The following PARD3B variants were observed in gnomAD, a reference collection of about 807,000 sequenced individuals.
The protein encoded by PARD3B is partitioning defective 3 homolog B.
In PARD3B, 103 loss-of-function variants were observed where a neutral mutation model predicts 130.2. That is an observed-to-expected ratio of 0.79 (90% CI 0.67 to 0.93). The LOEUF (loss-of-function observed/expected upper bound fraction) is 0.93, where lower values mean the gene tolerates loss of function less well. PARD3B is among the 40% of genes least tolerant of loss of function. The pLI is 0.00. For missense variants in PARD3B, 1,609 were observed against 1,499.2 expected, an observed-to-expected ratio of 1.07 and a Z score of -1.21; for synonymous variants, 583 against 553.2, an observed-to-expected ratio of 1.05 and a Z score of -0.76.
intron 4 of PARD3B, among the ~76,000 whole-genome samples, chr2:205,076,589 A>G (rs1454908607): frequency 2.6e-5 from 4 of 152,284 alleles, no homozygotes; most frequent in East Asian, 3.9e-4. Context: ...GCACAGCAGG[A>G]GGTAAGCAGT....
intron 15 of PARD3B, among the ~76,000 whole-genome samples, chr2:205,209,581 A>G (rs1022466466): frequency 3.4e-5 from 5 of 145,290 alleles, no homozygotes; most frequent in African/African-American, 1.1e-4. Context: ...TAAATATACA[A>G]TTAATAATTA....
rs765755661 is a variant in PARD3B, at chr2:205,183,734, G to GTGT, written c.1925-2029_1925-2027dup. Among the ~76,000 whole-genome samples the GTGT allele has an allele frequency of 2.6e-4, 27 of 103,814 alleles. No individual in the cohort carries two copies. The highest frequency in any genetic ancestry group is 5.1e-4 in the Admixed American group (6 of 11,794). 68.1% of individuals were successfully genotyped at this position (103,814 alleles called of 152,430 possible). On this transcript the variant is annotated intron_variant, in intron 13 of 22. Transcript: ENST00000406610. The surrounding 1 kb of genome is among the most constrained non-coding windows in gnomAD (Gnocchi z 5.2). ...CTGCAGAGAAACAGAACCAAGTTGT[G>GTGT]TGTGTGTGTGTGTGTGTGTGTGTGT...
At chr2:205,234,283 G>A (rs1291896700) in intron 15 of PARD3B, among the ~76,000 whole-genome samples, 11 of 152,094 alleles carry the variant, frequency 7.2e-5, no homozygotes, top group Non-Finnish European at 1.5e-5. Flanking sequence ...TCATGGCATT[G>A]CTCTCCAATA....
intron 16 of PARD3B, among the ~76,000 whole-genome samples, chr2:205,282,710 C>G (rs1038622236): frequency 2.0e-5 from 3 of 152,098 alleles, no homozygotes; most frequent in African/African-American, 4.8e-5. Context: ...ATAGGTCCCA[C>G]ACTGCCTAAG....
chr2:205,173,911 G>A (rs1035642950), intron 12 of PARD3B, among the ~76,000 whole-genome samples: 5 of 152,162 alleles, frequency 3.3e-5, no homozygotes, highest in Non-Finnish European at 5.9e-5. Context: ...GATGGACTGC[G>A]AACGCCTGAG....
Position 205,171,325 on chromosome 2 carries a change from A to G in PARD3B, c.1621-886A>G, listed in dbSNP as rs115466005. 8.1e-3 allele frequency among the ~76,000 whole-genome samples: 1,234 copies of G among 152,288 alleles called. 23 individuals are homozygous for G. Among genetic ancestry groups the G allele is most frequent in the African/African-American group, 0.028 (1,170 of 41,570 alleles). ...TCCTGGGCTGCCTTTGGGGAAATGC[A>G]CTGTGGTCCCTTCAAGTTCTGTTCT... is the stretch of plus-strand genomic sequence containing the variant. On this transcript the variant is annotated intron_variant, in intron 11 of 22. Coordinates refer to ENST00000406610, the MANE Select transcript of PARD3B (RefSeq NM_001302769.2).
intron 2 of PARD3B, among the ~76,000 whole-genome samples, chr2:204,734,228 C>G (rs1438008327): frequency 6.6e-6 from 1 of 152,122 alleles, no homozygotes; most frequent in Non-Finnish European, 1.5e-5. Flanking sequence ...ATTATATACA[C>G]TGAAATCACT....
At position 205,563,101 on chromosome 2, in the gene PARD3B, G is replaced by T. The variant is rs2053195659; in HGVS notation, c.3260+9698G>T. Among the ~76,000 whole-genome samples, 1 of 152,110 alleles carries T rather than the reference G, an allele frequency of 6.6e-6. No individual in the cohort carries two copies. On this transcript the variant is annotated intron_variant, in intron 22 of 22. Transcript: ENST00000406610. The surrounding 1 kb of genome is among the most constrained non-coding windows in gnomAD (Gnocchi z 4.2). ...TGCCTCACCAAATGCATGAATACAT[G>T]ATATTATTCAACAGGAGTAATTAAC...
intron 2 of PARD3B, among the ~76,000 whole-genome samples, chr2:204,827,455 G>C (rs1261786247): frequency 1.3e-5 from 2 of 152,158 alleles, no homozygotes; most frequent in Admixed American, 6.5e-5. Flanking sequence ...AACTAGGAAA[G>C]ATAGTTCATG....
intron 20 of PARD3B, among the ~76,000 whole-genome samples, chr2:205,495,937 A>AC (rs35539853): frequency 0.48 from 72,994 of 151,930 alleles, 17,885 homozygotes; most frequent in Admixed American, 0.57. Context: ...AAACTCATGT[A>AC]CAATTCCTAT....
intron 20 of PARD3B, among the ~76,000 whole-genome samples, chr2:205,456,147 A>G (rs1380684001): frequency 1.3e-5 from 2 of 152,126 alleles, no homozygotes; most frequent in African/African-American, 4.8e-5. Context: ...TCTGAGTAGT[A>G]ACCCATGTAT....
chr2:204,996,742 G>A (rs1694222780), intron 3 of PARD3B, among the ~76,000 whole-genome samples: 1 of 149,482 alleles, frequency 6.7e-6, no homozygotes, highest in Non-Finnish European at 1.5e-5. Flanking sequence ...GATTCCGTGG[G>A]CGTAGGACCC....
chr2:204,923,444 A>G (rs2047759972), intron 2 of PARD3B, among the ~76,000 whole-genome samples: 1 of 152,008 alleles, frequency 6.6e-6, no homozygotes, highest in Non-Finnish European at 1.5e-5. Flanking sequence ...ATAGCTTTTT[A>G]ATTTTTAATT....
At chr2:204,628,468 T>C (rs2034563040) in intron 1 of PARD3B, among the ~76,000 whole-genome samples, 1 of 152,134 alleles carries the variant, frequency 6.6e-6, no homozygotes, top group South Asian at 2.1e-4. Context: ...GGAAAATAGC[T>C]CTTTTCAATG....
intron 19 of PARD3B, among the ~76,000 whole-genome samples, chr2:205,439,078 C>T (rs1225232902): frequency 6.6e-6 from 1 of 152,074 alleles, no homozygotes; most frequent in African/African-American, 2.4e-5. Context: ...GAAAATCCTG[C>T]GTTCTAAAGA....
chr2:205,542,817 A>G (rs1257187644), intron 21 of PARD3B, among the ~76,000 whole-genome samples: 1 of 152,218 alleles, frequency 6.6e-6, no homozygotes, highest in Non-Finnish European at 1.5e-5. Flanking sequence ...CTGAGTTCAA[A>G]TCTAAATTGT....
intron 2 of PARD3B, among the ~76,000 whole-genome samples, chr2:204,780,689 C>CT (rs1231657438): frequency 6.6e-6 from 1 of 152,012 alleles, no homozygotes; most frequent in African/African-American, 2.4e-5. Flanking sequence ...TGCATAGAAG[C>CT]TACGTATCTG....
chr2:204,632,008 T>C (rs1365480758), intron 1 of PARD3B, among the ~76,000 whole-genome samples: 3 of 152,214 alleles, frequency 2.0e-5, no homozygotes, highest in African/African-American at 4.8e-5. Flanking sequence ...GTTTGGAGGA[T>C]AAATTAGAAA....
intron 1 of PARD3B, among the ~76,000 whole-genome samples, chr2:204,630,911 C>G (rs1042412825): frequency 3.3e-5 from 5 of 151,932 alleles, no homozygotes; most frequent in Non-Finnish European, 5.9e-5. Flanking sequence ...AAAACCAGCT[C>G]CTAGATATGT....
Sources: gnomAD v4.1 joint callset for allele counts (sites outside exome capture counted in the v4.1 genomes callset) on GRCh38, gnomAD v4.1.1 for gene constraint, Gnocchi (gnomAD v3.1) non-coding constraint, MANE v1.5 for transcripts, NCBI Gene and HGNC (gene_info 2026-07-23, HGNC 2026-07-21) for gene names.